The following SH3PXD2A variants were observed in gnomAD, a reference collection of about 807,000 sequenced individuals.
SH3PXD2A encodes SH3 and PX domain-containing protein 2A.
Under a neutral mutation model 115.2 loss-of-function variants are expected in SH3PXD2A, and 32 were observed. The observed-to-expected ratio is 0.28, with a 90% CI of 0.21 to 0.37. The LOEUF (loss-of-function observed/expected upper bound fraction) is 0.37, where lower values mean the gene tolerates loss of function less well. Ranked by LOEUF, SH3PXD2A falls within the 10% of genes least tolerant of loss-of-function variation. The probability of loss-of-function intolerance (pLI) is 1.00; values close to 1 mark genes in which losing one functional copy is unlikely to be tolerated. For synonymous variants in SH3PXD2A, 610 were observed against 629.1 expected (o/e 0.97, Z 0.45); for missense variants, 1,328 against 1,498.7 (o/e 0.89, Z 1.88).
At chr10:103,614,606 A>C (rs1034884312) in intron 11 of SH3PXD2A, among the ~76,000 whole-genome samples, 3 of 152,132 alleles carry the variant, frequency 2.0e-5, no homozygotes, top group Admixed American at 1.3e-4. Context: ...CGTGGTGTTG[A>C]GTTTTCACCC....
intron 1 of SH3PXD2A, among the ~76,000 whole-genome samples, chr10:103,827,165 C>T (rs1381328867): frequency 6.6e-6 from 1 of 152,126 alleles, no homozygotes; most frequent in African/African-American, 2.4e-5. Flanking sequence ...TCTTCGGAGC[C>T]ATGGAAACTA....
intron 8 of SH3PXD2A, among the ~76,000 whole-genome samples, chr10:103,635,578 G>A (rs2036851893): frequency 6.6e-6 from 1 of 152,232 alleles, no homozygotes; most frequent in South Asian, 2.1e-4. Flanking sequence ...CTGTTTTAGA[G>A]GAACCCTGAG....
At chr10:103,719,921 T>C (rs1257924503) in intron 5 of SH3PXD2A, among the ~76,000 whole-genome samples, 1 of 152,210 alleles carries the variant, frequency 6.6e-6, no homozygotes, top group Non-Finnish European at 1.5e-5. Context: ...GGTTTTGCCA[T>C]GTTGGCCAGG....
chr10:103,656,989 GA>G (rs1317444290), intron 8 of SH3PXD2A, among the ~76,000 whole-genome samples: 1 of 151,752 alleles, frequency 6.6e-6, no homozygotes, highest in Non-Finnish European at 1.5e-5. Context: ...AGTCTCTTGA[GA>G]AAGTCTGAGT....
rs557269697 is a variant in SH3PXD2A, at chr10:103,597,669, C to G, written c.*4147G>C. ...CACAGCTAGGATTCCTTCAGCACCC[C>G]GCTCCCTGCCTCTTGCTCTCTGAGC... On this transcript the variant is annotated 3_prime_UTR_variant, in exon 15 of 15. Transcript: ENST00000369774. 6.6e-6 allele frequency: 1 copy of G among 152,650 alleles called. No homozygotes were observed. Among genetic ancestry groups the G allele is most frequent in the Admixed American group, 6.5e-5 (1 of 15,284 alleles). 9.5% of individuals were successfully genotyped at this position (152,650 alleles called of 1,614,324 possible).
chr10:103,633,092 T>C (rs1007229930), intron 8 of SH3PXD2A, among the ~76,000 whole-genome samples: 4 of 152,168 alleles, frequency 2.6e-5, no homozygotes, highest in Non-Finnish European at 5.9e-5. Flanking sequence ...ATGCTAGAGA[T>C]GACATGGCAA....
At chr10:103,758,624 G>A (rs981674984) in intron 3 of SH3PXD2A, among the ~76,000 whole-genome samples, 6 of 152,220 alleles carry the variant, frequency 3.9e-5, no homozygotes, top group South Asian at 2.1e-4. Context: ...GCTATTCCAC[G>A]CTGTGTTCAG....
chr10:103,605,788 C>T lies in SH3PXD2A; in HGVS notation c.1428+10G>A. The T allele has an allele frequency of 2.5e-6, 4 of 1,614,118 alleles. No individual in the cohort carries two copies. Among genetic ancestry groups the T allele is most frequent in the Non-Finnish European group, 3.4e-6 (4 of 1,179,966 alleles). ...AGTTAAAACCCTCGGCCTCATGGCC[C>T]AAGGCTTACCTCTGCCTTCTGTCCA... On this transcript the variant is annotated intron_variant, in intron 14 of 14. Transcript: ENST00000369774.
chr10:103,845,006 G>A (rs745830397), intron 1 of SH3PXD2A, among the ~76,000 whole-genome samples: 3 of 152,098 alleles, frequency 2.0e-5, no homozygotes, highest in Admixed American at 6.5e-5. Context: ...GAAGATACAG[G>A]TCATAAAGAC....
intron 2 of SH3PXD2A, among the ~76,000 whole-genome samples, chr10:103,777,606 CA>C (rs2038892755): frequency 6.6e-6 from 1 of 152,328 alleles, no homozygotes; most frequent in South Asian, 2.1e-4. Context: ...GATGCAATCC[CA>C]GGGGAAATCC....
At chr10:103,764,780 C>G (rs1228359985) in intron 3 of SH3PXD2A, among the ~76,000 whole-genome samples, 2 of 152,100 alleles carry the variant, frequency 1.3e-5, no homozygotes, top group Non-Finnish European at 2.9e-5. Flanking sequence ...GAGCCCTGGC[C>G]CAGGAGTCAG....
At chr10:103,633,732 A>C (rs2036821965) in intron 8 of SH3PXD2A, among the ~76,000 whole-genome samples, 1 of 119,236 alleles carries the variant, frequency 8.4e-6, no homozygotes, top group African/African-American at 5.4e-5. Context: ...TGTCTCAAAA[A>C]AAAAAAAAAA....
chr10:103,640,037 A>G (rs914855966), intron 8 of SH3PXD2A, among the ~76,000 whole-genome samples: 5 of 152,176 alleles, frequency 3.3e-5, no homozygotes, highest in African/African-American at 1.2e-4. Context: ...TAAGTCGGCC[A>G]GGCACAGTGG....
chr10:103,766,319 T>C (rs1426842317), intron 3 of SH3PXD2A, among the ~76,000 whole-genome samples: 3 of 152,150 alleles, frequency 2.0e-5, no homozygotes, highest in Admixed American at 2.0e-4. Context: ...TGGGGAACGG[T>C]AGGGGTTCTG....
At chr10:103,705,477 C>A (rs1195179465) in intron 5 of SH3PXD2A, among the ~76,000 whole-genome samples, 1 of 152,204 alleles carries the variant, frequency 6.6e-6, no homozygotes, top group Non-Finnish European at 1.5e-5. Flanking sequence ...AAACTAAACC[C>A]TTGACACACA....
intron 5 of SH3PXD2A, among the ~76,000 whole-genome samples, chr10:103,716,682 G>A (rs1457074061): frequency 6.6e-6 from 1 of 152,172 alleles, no homozygotes; most frequent in Admixed American, 6.5e-5. Flanking sequence ...AGAGGCCCAA[G>A]AAGAAAGATA....
At chr10:103,717,547 G>A (rs1039692635) in intron 5 of SH3PXD2A, among the ~76,000 whole-genome samples, 5 of 152,364 alleles carry the variant, frequency 3.3e-5, no homozygotes, top group African/African-American at 1.2e-4. Context: ...TGGCCACTGG[G>A]CCAGGAGGCT....
At chr10:103,676,642 G>A (rs1417127428) in intron 6 of SH3PXD2A, among the ~76,000 whole-genome samples, 3 of 152,084 alleles carry the variant, frequency 2.0e-5, no homozygotes, top group Non-Finnish European at 4.4e-5. Flanking sequence ...GAGAGGTGCC[G>A]TGGGTGGACA....
chr10:103,624,279 A>T (rs1403957753), intron 9 of SH3PXD2A, among the ~76,000 whole-genome samples: 1 of 152,242 alleles, frequency 6.6e-6, no homozygotes, highest in Non-Finnish European at 1.5e-5. Flanking sequence ...ACAGCAGCAC[A>T]GAAGACCGTG....
Sources: gnomAD v4.1 joint callset for allele counts (sites outside exome capture counted in the v4.1 genomes callset) on GRCh38, gnomAD v4.1.1 for gene constraint, MANE v1.5 for transcripts, NCBI Gene and HGNC (gene_info 2026-07-23, HGNC 2026-07-21) for gene names.